The following GNA14 variants were observed in gnomAD, a reference collection of about 807,000 sequenced individuals.
The protein encoded by GNA14 is guanine nucleotide-binding protein subunit alpha-14.
A neutral mutation model predicts 42.0 loss-of-function variants in GNA14; 50 were observed. The observed-to-expected ratio is 1.19, with a 90% CI of 0.95 to 1.51. The LOEUF is 1.51. GNA14 is among the 40% of genes most tolerant of loss of function. GNA14 has a pLI of 0.00. For synonymous variants in GNA14, 173 were observed against 163.1 expected (o/e 1.06, Z -0.46); for missense variants, 473 against 446.2 (o/e 1.06, Z -0.54).
chr9:77,582,822 C>T (rs1340368404), intron 1 of GNA14, among the ~76,000 whole-genome samples: 1 of 152,174 alleles, frequency 6.6e-6, no homozygotes, highest in Admixed American at 6.5e-5. Context: ...GTATTTGCCA[C>T]AAGACATTGA....
chr9:77,474,548 G>A (rs571218676), intron 2 of GNA14, among the ~76,000 whole-genome samples: 1 of 152,296 alleles, frequency 6.6e-6, no homozygotes, highest in South Asian at 2.1e-4. Context: ...ATACATGGGT[G>A]AGACTATAAA....
chr9:77,600,684 G>A (rs941279480), intron 1 of GNA14, among the ~76,000 whole-genome samples: 4 of 152,186 alleles, frequency 2.6e-5, no homozygotes, highest in African/African-American at 9.7e-5. Context: ...TTGGGAGGCC[G>A]ATGTGGTTGG....
chr9:77,636,026 A>G (rs568298650), intron 1 of GNA14, among the ~76,000 whole-genome samples: 2 of 152,370 alleles, frequency 1.3e-5, no homozygotes, highest in South Asian at 2.1e-4. Context: ...AGGTTTCTAA[A>G]CACAGGTGCA....
chr9:77,523,562 G>A (rs188400825), intron 2 of GNA14, among the ~76,000 whole-genome samples: 89 of 152,226 alleles, frequency 5.8e-4, no homozygotes, highest in Admixed American at 2.1e-3. Context: ...TGAGATTTGG[G>A]CACAGGCACA....
At chr9:77,626,889 C>G (rs191158452) in intron 1 of GNA14, among the ~76,000 whole-genome samples, 1 of 152,104 alleles carries the variant, frequency 6.6e-6, no homozygotes, top group Non-Finnish European at 1.5e-5. Flanking sequence ...AAGATCAGAG[C>G]AGAACTGAAG....
intron 1 of GNA14, among the ~76,000 whole-genome samples, chr9:77,561,753 C>T (rs1822887282): frequency 6.6e-6 from 1 of 152,194 alleles, no homozygotes; most frequent in Admixed American, 6.5e-5. Context: ...CTGAATTATA[C>T]ACTTAAAAAT....
chr9:77,488,199 T>C (rs1028211993), intron 2 of GNA14, among the ~76,000 whole-genome samples: 2 of 152,140 alleles, frequency 1.3e-5, no homozygotes, highest in African/African-American at 2.4e-5. Flanking sequence ...TAAAAAACTG[T>C]GAGGAGGTGG....
rs536181970 is a variant in GNA14, at chr9:77,455,208, G to A, written c.310-20686C>T. 6.6e-5 allele frequency among the ~76,000 whole-genome samples: 10 copies of A among 152,290 alleles called. No individual in the cohort carries two copies. In the South Asian group the frequency reaches 2.1e-3, roughly 32 times the overall value. The stretch of plus-strand genomic sequence containing the variant: ...GTTGTCTCATCAGCTGTCACCTGAA[G>A]GTCTCTCTCAGCTCCTAGAGGCTGC... On this transcript the variant is annotated intron_variant, in intron 2 of 6. Transcript: ENST00000341700.
intron 1 of GNA14, among the ~76,000 whole-genome samples, chr9:77,624,988 A>G (rs1823990411): frequency 6.6e-6 from 1 of 152,056 alleles, no homozygotes; most frequent in Non-Finnish European, 1.5e-5. Context: ...AACCCAATGC[A>G]AAGAACCTAA....
At chr9:77,504,668 T>C (rs1837037100) in intron 2 of GNA14, among the ~76,000 whole-genome samples, 1 of 140,100 alleles carries the variant, frequency 7.1e-6, no homozygotes, top group Non-Finnish European at 1.5e-5. Flanking sequence ...GACTTTTTTT[T>C]TTTTTTTTTT....
At chr9:77,506,084 A>T (rs1426275196) in intron 2 of GNA14, among the ~76,000 whole-genome samples, 2 of 151,832 alleles carry the variant, frequency 1.3e-5, no homozygotes, top group Non-Finnish European at 1.5e-5. Context: ...GACCACACAG[A>T]GAGACCCCAT....
chr9:77,438,749 C>CA (rs1835680438), intron 2 of GNA14, among the ~76,000 whole-genome samples: 1 of 152,158 alleles, frequency 6.6e-6, no homozygotes, highest in South Asian at 2.1e-4. Context: ...ACACACACTT[C>CA]AAACCCATGT....
intron 2 of GNA14, among the ~76,000 whole-genome samples, chr9:77,470,584 A>G (rs1836313645): frequency 6.6e-6 from 1 of 152,234 alleles, no homozygotes; most frequent in South Asian, 2.1e-4. Context: ...AGCTATAGCT[A>G]AAGTGCTACA....
chr9:77,470,419 T>G (rs897987750), intron 2 of GNA14, among the ~76,000 whole-genome samples: 1 of 152,206 alleles, frequency 6.6e-6, no homozygotes, highest in Non-Finnish European at 1.5e-5. Context: ...TCTGATCCAA[T>G]CCAGTAGCAA....
chr9:77,474,573 T>C (rs530062854), intron 2 of GNA14, among the ~76,000 whole-genome samples: 12 of 152,164 alleles, frequency 7.9e-5, no homozygotes, highest in Non-Finnish European at 8.8e-5. Context: ...TGTGGCCACT[T>C]TGAAAAATAG....
At chr9:77,642,646 G>C (rs1487711380) in intron 1 of GNA14, among the ~76,000 whole-genome samples, 3 of 152,126 alleles carry the variant, frequency 2.0e-5, no homozygotes, top group Non-Finnish European at 1.5e-5. Context: ...GTGGATGCCT[G>C]TAATTCCAGC....
chr9:77,634,315 G>A (rs529752422), intron 1 of GNA14, among the ~76,000 whole-genome samples: 9 of 151,776 alleles, frequency 5.9e-5, no homozygotes, highest in Non-Finnish European at 1.2e-4. Context: ...CTACTCAGGA[G>A]GCTGAAGTGA....
At chr9:77,492,630 T>C (rs1836794761) in intron 2 of GNA14, among the ~76,000 whole-genome samples, 1 of 152,076 alleles carries the variant, frequency 6.6e-6, no homozygotes, top group Non-Finnish European at 1.5e-5. Context: ...TAGAAAACCC[T>C]AACGCAATGT....
At chr9:77,477,460 G>C (rs950539378) in intron 2 of GNA14, among the ~76,000 whole-genome samples, 4 of 152,190 alleles carry the variant, frequency 2.6e-5, no homozygotes, top group Non-Finnish European at 5.9e-5. Flanking sequence ...AGCCAGAGTT[G>C]AAATCAGAAC....
Sources: allele counts gnomAD v4.1 joint callset (sites outside exome capture counted in the v4.1 genomes callset), GRCh38; gene constraint gnomAD v4.1.1; transcripts MANE v1.5; gene names NCBI Gene and HGNC (gene_info 2026-07-23, HGNC 2026-07-21).